The following COL25A1 variants were observed in gnomAD, a reference collection of about 807,000 sequenced individuals.
COL25A1 encodes the protein collagen type XXV alpha 1 chain.
COL25A1 carries 103 observed loss-of-function variants against 128.4 expected under a neutral mutation model. That is an observed-to-expected ratio of 0.80 (90% CI 0.68 to 0.94). The LOEUF is 0.94. COL25A1 is among the 40% of genes least tolerant of loss of function. The pLI is 0.00. For synonymous variants in COL25A1, 279 were observed against 277.2 expected (o/e 1.01, Z -0.06); for missense variants, 745 against 840.0 (o/e 0.89, Z 1.40).
At chr4:108,898,750 C>T (rs1742443547) in intron 15 of COL25A1, among the ~76,000 whole-genome samples, 2 of 152,136 alleles carry the variant, frequency 1.3e-5, no homozygotes, top group African/African-American at 4.8e-5. Context: ...CCAGATTTTG[C>T]AGGCCTAAGG....
rs1342902883 is a variant in COL25A1 at position 109,117,362 on chromosome 4, T to G, written c.368-67183A>C. ...CGAGAAGAAAGTAGAGGGAAATATTTAAAGTGTTGAGGGAAAAAGGACCAT... is the reference window on the plus strand; with the variant it reads ...CGAGAAGAAAGTAGAGGGAAATATTGAAAGTGTTGAGGGAAAAAGGACCAT... On this transcript the variant is annotated intron_variant, in intron 3 of 37. Coordinates refer to ENST00000399132, the MANE Select transcript of COL25A1 (RefSeq NM_198721.4). Among the ~76,000 whole-genome samples, 2 of 152,010 alleles carry G rather than the reference T, an allele frequency of 1.3e-5. 1 individual carries two copies. Among genetic ancestry groups the G allele is most frequent in the East Asian group, 3.9e-4 (2 of 5,192 alleles).
At chr4:109,003,521 C>A (rs763378244) in intron 6 of COL25A1, among the ~76,000 whole-genome samples, 43 of 152,340 alleles carry the variant, frequency 2.8e-4, no homozygotes, top group Middle Eastern at 3.4e-3. Flanking sequence ...ATATAAAAGG[C>A]CGGGCATGGT....
At chr4:108,915,592 T>C (rs1744781408) in intron 13 of COL25A1, among the ~76,000 whole-genome samples, 1 of 152,172 alleles carries the variant, frequency 6.6e-6, no homozygotes, top group African/African-American at 2.4e-5. Flanking sequence ...CCATATTTCT[T>C]ACTTTTTTCT....
At chr4:109,168,191 G>C (rs1451273621) in intron 3 of COL25A1, among the ~76,000 whole-genome samples, 1 of 152,160 alleles carries the variant, frequency 6.6e-6, no homozygotes, top group Non-Finnish European at 1.5e-5. Flanking sequence ...TCAAGGTTAT[G>C]TGAAATTTTA....
intron 3 of COL25A1, among the ~76,000 whole-genome samples, chr4:109,195,740 T>G (rs1775987217): frequency 6.6e-6 from 1 of 152,154 alleles, no homozygotes; most frequent in Non-Finnish European, 1.5e-5. Flanking sequence ...CATGTTTTAC[T>G]GGGTCCCACA....
At chr4:108,928,418 C>A (rs1259904720) in intron 11 of COL25A1, among the ~76,000 whole-genome samples, 2 of 152,150 alleles carry the variant, frequency 1.3e-5, no homozygotes, top group Non-Finnish European at 2.9e-5. Flanking sequence ...ATTGGTCAAT[C>A]CAGTAGGATA....
At chr4:109,267,060 T>G (rs1781845084) in intron 3 of COL25A1, among the ~76,000 whole-genome samples, 1 of 152,130 alleles carries the variant, frequency 6.6e-6, no homozygotes, top group Admixed American at 6.6e-5. Context: ...TTTTAAGCAA[T>G]AGAAACTGCA....
At chr4:109,104,996 T>C (rs1223060058) in intron 3 of COL25A1, among the ~76,000 whole-genome samples, 3 of 152,170 alleles carry the variant, frequency 2.0e-5, no homozygotes, top group Admixed American at 6.5e-5. Context: ...AGATAAATAT[T>C]GAAATGCCTG....
At chr4:109,200,307 G>A (rs990510695) in intron 3 of COL25A1, among the ~76,000 whole-genome samples, 2 of 152,306 alleles carry the variant, frequency 1.3e-5, no homozygotes, top group Non-Finnish European at 2.9e-5. Context: ...TGAAAGCATA[G>A]TCTACAATCA....
At chr4:109,192,859 TAAAA>T (rs528185836) in intron 3 of COL25A1, among the ~76,000 whole-genome samples, 1 of 131,446 alleles carries the variant, frequency 7.6e-6, no homozygotes, top group Non-Finnish European at 1.7e-5. Flanking sequence ...GTCTCAAAAT[TAAAA>T]AAAAAAAAGA....
rs745915563 is a variant in COL25A1 at position 108,848,840 on chromosome 4, CA to C, written c.1390-38del. Reference sequence around the variant, plus strand: ...AAAATAGATGACTTGCCTCCATTCTCATTGGTAACATACTGCACTACATAAA... The same window carrying C: ...AAAATAGATGACTTGCCTCCATTCTCTTGGTAACATACTGCACTACATAAA... On this transcript the variant is annotated intron_variant, in intron 26 of 37. Transcript: ENST00000399132. 5 of 1,515,364 alleles carry C rather than the reference CA, an allele frequency of 3.3e-6. No homozygotes were observed. In the African/African-American group the frequency reaches 6.8e-5, roughly 21 times the overall value. The allele number at this position is 1,515,364 out of a possible 1,614,324, so 93.9% of individuals were successfully genotyped here.
At chr4:109,183,045 AACTAGGATTAGCCTAGTT>A (rs1774813429) in intron 3 of COL25A1, among the ~76,000 whole-genome samples, 1 of 152,090 alleles carries the variant, frequency 6.6e-6, no homozygotes, top group Non-Finnish European at 1.5e-5. Flanking sequence ...AAATATTTTA[AACTAGGATTAGCCTAGTT>A]ACTTTAGTTA....
At chr4:108,885,362 A>G (rs1397790119) in intron 18 of COL25A1, among the ~76,000 whole-genome samples, 1 of 152,202 alleles carries the variant, frequency 6.6e-6, no homozygotes, top group Admixed American at 6.5e-5. Context: ...CTGTGTGATT[A>G]GACCAAAAAA....
intron 5 of COL25A1, among the ~76,000 whole-genome samples, chr4:109,045,372 T>G (rs999632166): frequency 1.3e-5 from 2 of 152,098 alleles, no homozygotes; most frequent in Admixed American, 6.6e-5. Flanking sequence ...GATGTAAAAA[T>G]AGGAATAGTC....
chr4:109,220,045 A>G (rs1778304706), intron 3 of COL25A1, among the ~76,000 whole-genome samples: 2 of 152,324 alleles, frequency 1.3e-5, no homozygotes, highest in South Asian at 2.1e-4. Context: ...TTATAGTCTT[A>G]CTTCTAATCT....
intron 3 of COL25A1, among the ~76,000 whole-genome samples, chr4:109,184,289 T>C (rs1774936736): frequency 6.6e-6 from 1 of 152,194 alleles, no homozygotes; most frequent in Non-Finnish European, 1.5e-5. Flanking sequence ...AAAATCCCTC[T>C]AGAGGATTCT....
At chr4:108,873,568 T>TAGTAGTAGTAGTAGTAGTAGC (rs528864282) in intron 19 of COL25A1, among the ~76,000 whole-genome samples, 1 of 144,978 alleles carries the variant, frequency 6.9e-6, no homozygotes, top group South Asian at 2.2e-4. Flanking sequence ...GTAGCAGCAG[T>TAGTAGTAGTAGTAGTAGTAGC]AGCAGCAGTA....
chr4:109,033,288 CA>C (rs1759041758), intron 5 of COL25A1, among the ~76,000 whole-genome samples: 2 of 152,216 alleles, frequency 1.3e-5, no homozygotes, highest in African/African-American at 4.8e-5. Flanking sequence ...CAGAGGCAGT[CA>C]AGGGACCTGG....
intron 8 of COL25A1, among the ~76,000 whole-genome samples, chr4:108,962,536 C>T (rs940472883): frequency 2.6e-5 from 4 of 152,012 alleles, no homozygotes; most frequent in African/African-American, 9.7e-5. Flanking sequence ...AATACCTGTA[C>T]TGAAAAGAGT....
Sources: allele counts gnomAD v4.1 joint callset (sites outside exome capture counted in the v4.1 genomes callset), GRCh38; gene constraint gnomAD v4.1.1; transcripts MANE v1.5; gene names NCBI Gene and HGNC (gene_info 2026-07-23, HGNC 2026-07-21).